RAB43: variants seen among roughly 807,000 people sequenced by gnomAD.
RAB43 encodes the protein RAB43, member RAS oncogene family.
A neutral mutation model predicts 18.8 loss-of-function variants in RAB43; 6 were observed. That is an observed-to-expected ratio of 0.32 (90% CI 0.17 to 0.63). The LOEUF is 0.63. Ranked by LOEUF, RAB43 falls within the 30% of genes least tolerant of loss-of-function variation. The pLI, the probability that RAB43 is intolerant of heterozygous loss-of-function variation, is 0.79. For synonymous variants in RAB43, 103 were observed against 124.1 expected, an observed-to-expected ratio of 0.83 and a Z score of 1.13; for missense variants, 195 against 289.1, an observed-to-expected ratio of 0.67 and a Z score of 2.36.
In RAB43 at chr3:129,100,807, T is replaced by C. The variant is rs75151467; in HGVS notation, c.205-5638A>G. Among the ~76,000 whole-genome samples, 791 of 152,232 alleles carry C rather than the reference T, an allele frequency of 5.2e-3. 7 individuals are homozygous for C. Among genetic ancestry groups the C allele is most frequent in the African/African-American group, 0.016 (677 of 41,526 alleles). ...TTGTGTCTCTAGGCTAAAACTTCAT[T>C]CTGTTTTTCTTTTTTTTTGAGACGA... On this transcript the variant is annotated intron_variant, in intron 1 of 2. Transcript: ENST00000315150.
chr3:129,115,913 C>T (rs1935493240), intron 1 of RAB43, among the ~76,000 whole-genome samples: 2 of 152,196 alleles, frequency 1.3e-5, no homozygotes, highest in Non-Finnish European at 1.5e-5. Context: ...AAATCTCACG[C>T]CATCCTGCTC....
At chr3:129,102,774 C>T (rs374546015) in intron 1 of RAB43, among the ~76,000 whole-genome samples, 2 of 152,112 alleles carry the variant, frequency 1.3e-5, no homozygotes, top group South Asian at 4.1e-4. Flanking sequence ...GCCAGGAGAG[C>T]CCCTTCCCCA....
At chr3:129,103,249 T>C (rs1934546480) in intron 1 of RAB43, among the ~76,000 whole-genome samples, 1 of 152,090 alleles carries the variant, frequency 6.6e-6, no homozygotes. Flanking sequence ...CCTACCCACT[T>C]ATCCCCACCT....
At chr3:129,096,727 T>C (rs1934081622) in intron 1 of RAB43, among the ~76,000 whole-genome samples, 1 of 151,922 alleles carries the variant, frequency 6.6e-6, no homozygotes, top group Non-Finnish European at 1.5e-5. Context: ...ATGATTAACA[T>C]ACATGAAAAA....
At position 129,091,152 on chromosome 3, in the gene RAB43, C is replaced by T. The variant is rs767904953; in HGVS notation, c.583G>A (p.Asp195Asn). The part of the protein sequence containing the change: ...GGPLFSEKSP[D>N]HIQLNSKDIG... ...TCCTTGCTGTTCAGCTGGATGTGGT[C>T]GGGGCTCTTCTCGCTGAACAAGGGG... The change falls in exon 3 of 3, where the codon GAC (aspartate) becomes AAC (asparagine). Residue 195 changes from aspartate (D) to asparagine (N), a missense_variant. Asp to Asn is a conservative substitution (Grantham distance 23). Transcript: ENST00000315150. 1.1e-5 allele frequency: 17 copies of T among 1,577,966 alleles called. No individual in the cohort carries two copies. Among genetic ancestry groups the T allele is most frequent in the Middle Eastern group, 2.1e-4 (1 of 4,822 alleles).
chr3:129,118,709 T>C (rs1040455537), intron 1 of RAB43, among the ~76,000 whole-genome samples: 2 of 152,200 alleles, frequency 1.3e-5, no homozygotes, highest in African/African-American at 2.4e-5. Flanking sequence ...TTATTCTAAA[T>C]AGATACCACG....
chr3:129,101,821 T>C (rs1305450657), intron 1 of RAB43, among the ~76,000 whole-genome samples: 1 of 152,160 alleles, frequency 6.6e-6, no homozygotes, highest in Non-Finnish European at 1.5e-5. Flanking sequence ...CCACTGGAGA[T>C]TGTCTCAGGC....
At chr3:129,098,377 G>A (rs1454903430) in intron 1 of RAB43, among the ~76,000 whole-genome samples, 4 of 152,124 alleles carry the variant, frequency 2.6e-5, no homozygotes, top group East Asian at 3.9e-4. Context: ...AAGCCTAAAC[G>A]AATAACTTCA....
chr3:129,099,177 C>T (rs1420446945), intron 1 of RAB43, among the ~76,000 whole-genome samples: 23 of 151,584 alleles, frequency 1.5e-4, no homozygotes, highest in East Asian at 2.0e-4. Flanking sequence ...CTGCAACCTC[C>T]GCCTCCCGGG....
chr3:129,114,975 C>T (rs1250802626), intron 1 of RAB43, among the ~76,000 whole-genome samples: 1 of 152,082 alleles, frequency 6.6e-6, no homozygotes, highest in Non-Finnish European at 1.5e-5. Context: ...TCCTGACCCC[C>T]ACCCCCCGCA....
intron 2 of RAB43, among the ~76,000 whole-genome samples, chr3:129,093,441 C>A (rs1233542683): frequency 1.3e-5 from 2 of 152,130 alleles, no homozygotes; most frequent in African/African-American, 4.8e-5. Context: ...GAAACCCAGT[C>A]TCTACTAAAA....
At chr3:129,121,063 C>T (rs2107589918) in intron 1 of RAB43, among the ~76,000 whole-genome samples, 1 of 104,766 alleles carries the variant, frequency 9.5e-6, no homozygotes, top group Non-Finnish European at 1.8e-5. Flanking sequence ...CCTCCACACT[C>T]CCTCGCCCCC....
chr3:129,105,240 G>T (rs890881103), intron 1 of RAB43, among the ~76,000 whole-genome samples: 2 of 152,182 alleles, frequency 1.3e-5, no homozygotes, highest in African/African-American at 2.4e-5. Flanking sequence ...ATTACCTCAG[G>T]CCAGCAGTTC....
chr3:129,121,141 C>T (rs1247577140), intron 1 of RAB43, 145 bp downstream of exon 1: 1 of 590,348 alleles, frequency 1.7e-6, no homozygotes, highest in Non-Finnish European at 2.7e-6. Flanking sequence ...GGGGCCCAGG[C>T]CTGCTCCGAC....
intron 1 of RAB43, among the ~76,000 whole-genome samples, chr3:129,106,057 G>T (rs1178604680): frequency 6.6e-6 from 1 of 152,170 alleles, no homozygotes; most frequent in Admixed American, 6.5e-5. Flanking sequence ...GCTTTCCAGG[G>T]ATTCCTAGTT....
chr3:129,120,762 G>A (rs964472941), intron 1 of RAB43, among the ~76,000 whole-genome samples: 2 of 152,212 alleles, frequency 1.3e-5, no homozygotes, highest in African/African-American at 4.8e-5. Flanking sequence ...GGCGTGGCCA[G>A]GCCGGAAATT....
At position 129,095,074 on chromosome 3, in the gene RAB43, G is replaced by C. The variant is rs767414928; in HGVS notation, c.300C>G (p.Ile100Met). Residue 100 changes from isoleucine (I) to methionine (M), a missense_variant, in exon 2 of 3, where the codon ATC becomes ATG. By Grantham distance (10) the Ile-to-Met change is conservative. Transcript: ENST00000315150. The surrounding 1 kb of genome is among the most constrained non-coding windows in gnomAD (Gnocchi z 4.2). The stretch of plus-strand genomic sequence containing the variant: ...CCGACAGGAAGGAGCTCCTCTTGGT[G>C]ATGTCGTAGGCAAGGATGGCCCCAT... ...SANGAILAYDITKRSSFLSVP... is the reference protein window; with the variant it reads ...SANGAILAYDMTKRSSFLSVP... 2 of 1,614,114 alleles carry C rather than the reference G, an allele frequency of 1.2e-6. No homozygotes were observed. Among genetic ancestry groups the C allele is most frequent in the Non-Finnish European group, 1.7e-6 (2 of 1,179,950 alleles).
In RAB43 at chr3:129,119,588, G is replaced by A. The variant is rs562633012; in HGVS notation, c.204+1698C>T. On this transcript the variant is annotated intron_variant, in intron 1 of 2. Coordinates refer to ENST00000315150, the MANE Select transcript of RAB43 (RefSeq NM_198490.3). ...CCAACAGCCTCTCAAGAAGGTCAGCGGCTATAACTTGGAGAGGTGTTTACC... is the reference window on the plus strand; with the variant it reads ...CCAACAGCCTCTCAAGAAGGTCAGCAGCTATAACTTGGAGAGGTGTTTACC... 3.3e-5 allele frequency among the ~76,000 whole-genome samples: 5 copies of A among 152,256 alleles called. No individual in the cohort carries two copies. The East Asian group carries it at 7.7e-4, about 23-fold the overall frequency.
intron 1 of RAB43, among the ~76,000 whole-genome samples, chr3:129,120,205 G>T (rs192867229): frequency 6.6e-6 from 1 of 152,296 alleles, no homozygotes; most frequent in Admixed American, 6.5e-5. Flanking sequence ...TGGGGCAGGA[G>T]GGAGGCAACA....
Sources: gnomAD v4.1 joint callset for allele counts (sites outside exome capture counted in the v4.1 genomes callset) on GRCh38, gnomAD v4.1.1 for gene constraint, Gnocchi (gnomAD v3.1) non-coding constraint, MANE v1.5 for transcripts, NCBI Gene and HGNC (gene_info 2026-07-23, HGNC 2026-07-21) for gene names.